The following JAKMIP3 variants were observed in gnomAD, a reference collection of about 807,000 sequenced individuals.
The protein encoded by JAKMIP3 is Janus kinase and microtubule interacting protein 3.
Under a neutral mutation model 118.5 loss-of-function variants are expected in JAKMIP3, and 58 were observed. The ratio of observed to expected loss-of-function variants is 0.49; its 90% CI spans 0.40 to 0.61. The LOEUF (loss-of-function observed/expected upper bound fraction) is 0.61, where lower values mean the gene tolerates loss of function less well. Ranked by LOEUF, JAKMIP3 falls within the 20% of genes least tolerant of loss-of-function variation. The probability of loss-of-function intolerance (pLI) is 0.00; values close to 1 mark genes in which losing one functional copy is unlikely to be tolerated. For missense variants in JAKMIP3, 950 were observed against 1,109.0 expected (o/e 0.86, Z 2.04); for synonymous variants, 486 against 451.2 (o/e 1.08, Z -0.98).
At chr10:132,128,957 TC>T (rs1159394166) in intron 3 of JAKMIP3, among the ~76,000 whole-genome samples, 2 of 152,362 alleles carry the variant, frequency 1.3e-5, no homozygotes, top group African/African-American at 4.8e-5. Flanking sequence ...ACTCTAGTCA[TC>T]TGTTGATGTG....
chr10:132,099,666 A>G (rs1402854221), intron 1 of JAKMIP3, among the ~76,000 whole-genome samples: 3 of 152,198 alleles, frequency 2.0e-5, no homozygotes, highest in African/African-American at 4.8e-5. Flanking sequence ...AATGCAACTC[A>G]GCATGTGTGT....
intron 16 of JAKMIP3, among the ~76,000 whole-genome samples, chr10:132,150,499 A>G (rs1396841281): frequency 1.3e-5 from 2 of 152,022 alleles, no homozygotes; most frequent in Non-Finnish European, 2.9e-5. Flanking sequence ...AAAATAATGC[A>G]CCTCTTCATC....
intron 1 of JAKMIP3, among the ~76,000 whole-genome samples, chr10:132,037,914 A>C (rs1166467924): frequency 6.6e-6 from 1 of 152,236 alleles, no homozygotes; most frequent in Non-Finnish European, 1.5e-5. Context: ...ATTGGCCCCG[A>C]GTCGGTTGCA....
In JAKMIP3 at chr10:132,116,964, C is replaced by T. The variant is rs530497479; in HGVS notation, c.136-113C>T. ...GCAACGTGGAAGCTCCCCTTGAATACACATTCAGGTGTGAGTGTGTGCAAC... is the reference window on the plus strand; with the variant it reads ...GCAACGTGGAAGCTCCCCTTGAATATACATTCAGGTGTGAGTGTGTGCAAC... On this transcript the variant is annotated intron_variant, in intron 2 of 23. Transcript: ENST00000684848. 2.8e-5 allele frequency: 35 copies of T among 1,241,180 alleles called. No individual in the cohort carries two copies. The African/African-American group carries it at 4.8e-4, about 17-fold the overall frequency. The allele number at this position is 1,241,180 out of a possible 1,614,324, so 76.9% of individuals were successfully genotyped here.
upstream of JAKMIP3, among the ~76,000 whole-genome samples, chr10:132,060,327 CGGGGCAGTCACA>C (rs1053056904): frequency 1.3e-5 from 2 of 152,016 alleles, no homozygotes; most frequent in African/African-American, 4.8e-5. Flanking sequence ...TTCTGGTGGG[CGGGGCAGTCACA>C]GGGGCAGGCA....
At chr10:132,069,235 C>T (rs767312614) in intron 1 of JAKMIP3, among the ~76,000 whole-genome samples, 6 of 152,162 alleles carry the variant, frequency 3.9e-5, no homozygotes, top group Non-Finnish European at 8.8e-5. Flanking sequence ...CTGAGGAGGA[C>T]TCTGAGCACC....
At chr10:132,105,217 A>T (rs11146178) in intron 2 of JAKMIP3, among the ~76,000 whole-genome samples, 1 of 152,224 alleles carries the variant, frequency 6.6e-6, no homozygotes, top group East Asian at 1.9e-4. Flanking sequence ...CTCCCATCTG[A>T]GGCCGCAGGG....
rs1344728783 is a variant in JAKMIP3 at position 132,118,273 on chromosome 10, C to T, written c.633+699C>T. Among the ~76,000 whole-genome samples the T allele has an allele frequency of 6.6e-6, 1 of 152,246 alleles. No homozygotes were observed. The highest frequency in any genetic ancestry group is 1.9e-4 in the East Asian group (1 of 5,200). ...GGCAGGCACCAGGAGAGTCGATGTT[C>T]TCAAAGGCCCAGGGTTCAGCTGACG... On this transcript the variant is annotated intron_variant, in intron 3 of 23. Coordinates refer to ENST00000684848, the MANE Select transcript of JAKMIP3 (RefSeq NM_001323087.2). The surrounding 1 kb of genome is among the most constrained non-coding windows in gnomAD (Gnocchi z 4.8).
intron 1 of JAKMIP3, among the ~76,000 whole-genome samples, chr10:132,093,208 C>T (rs553008159): frequency 2.6e-5 from 4 of 152,168 alleles, no homozygotes; most frequent in African/African-American, 7.2e-5. Flanking sequence ...TTAGGCTACT[C>T]GGGGGTCAGG....
chr10:132,146,227 C>T (rs949041028), intron 13 of JAKMIP3, among the ~76,000 whole-genome samples: 1 of 150,266 alleles, frequency 6.7e-6, no homozygotes, highest in Non-Finnish European at 1.5e-5. Flanking sequence ...TGTGGCCAGG[C>T]TGCTCTCAGT....
At chr10:132,167,869 C>CGCCCCTT (rs1426564983) in intron 22 of JAKMIP3, 84 bp from the exon 23 acceptor site, 2 of 1,062,352 alleles carry the variant, frequency 1.9e-6, no homozygotes, top group East Asian at 6.0e-5. Context: ...CCTCGGCCCT[C>CGCCCCTT]GCCCCTCGCC....
At chr10:132,070,523 C>G (rs756802385) in intron 1 of JAKMIP3, among the ~76,000 whole-genome samples, 1 of 152,168 alleles carries the variant, frequency 6.6e-6, no homozygotes, top group Admixed American at 6.5e-5. Context: ...TAATCCCATG[C>G]GTGATCTTTG....
At chr10:132,146,485 A>G (rs2136057216) in intron 13 of JAKMIP3, among the ~76,000 whole-genome samples, 1 of 152,206 alleles carries the variant, frequency 6.6e-6, no homozygotes, top group South Asian at 2.1e-4. Context: ...AGGGGCAGGA[A>G]GGCCAGCAGG....
chr10:132,129,492 C>G (rs1167266056), intron 3 of JAKMIP3, among the ~76,000 whole-genome samples: 2 of 152,208 alleles, frequency 1.3e-5, no homozygotes, highest in Non-Finnish European at 2.9e-5. Flanking sequence ...CTCCTCTGCT[C>G]TCCAAATCCC....
intron 19 of JAKMIP3, among the ~76,000 whole-genome samples, chr10:132,161,525 C>G (rs2058319336): frequency 7.7e-5 from 4 of 51,804 alleles, no homozygotes; most frequent in African/African-American, 3.0e-4. Flanking sequence ...GCTGGGGGGC[C>G]TCTCCCTGTG....
chr10:132,147,989 A>G lies in JAKMIP3; in HGVS notation c.1787A>G (p.His596Arg), dbSNP rs1173861309. 1 of 1,611,062 alleles carries G rather than the reference A, an allele frequency of 6.2e-7. No individual in the cohort carries two copies. Among genetic ancestry groups the G allele is most frequent in the Non-Finnish European group, 8.5e-7 (1 of 1,178,842 alleles). The stretch of plus-strand genomic sequence containing the variant: ...GAGACGGAAGAGGCTCGGCTCAGAC[A>G]CGAGGTGCAGGACGCCAGAGACCAA... ...QMETEEARLR[H>R]EVQDARDQNE... The change falls in exon 14 of 24, where the codon CAC becomes CGC. Residue 596 changes from histidine to arginine, a missense_variant. By Grantham distance (29) the His-to-Arg change is conservative (BLOSUM62 0). Transcript: ENST00000684848.
intron 5 of JAKMIP3, 88 bp downstream of exon 5, chr10:132,135,248 C>A: frequency 7.5e-7 from 1 of 1,340,558 alleles, no homozygotes; most frequent in Non-Finnish European, 1.0e-6. Context: ...AAATTCCTTG[C>A]GTAAAGGAGT....
chr10:132,171,252 C>T (rs563649697), intron 23 of JAKMIP3, among the ~76,000 whole-genome samples: 4 of 152,298 alleles, frequency 2.6e-5, no homozygotes, highest in Admixed American at 1.3e-4. Context: ...GTGCAGTCTC[C>T]AGCGTGAGTT....
intron 1 of JAKMIP3, among the ~76,000 whole-genome samples, chr10:132,080,077 G>A (rs1452725590): frequency 6.6e-6 from 1 of 152,216 alleles, no homozygotes; most frequent in African/African-American, 2.4e-5. Context: ...CTACTCAGGA[G>A]GCTGACGCAG....
Sources: allele counts gnomAD v4.1 joint callset (sites outside exome capture counted in the v4.1 genomes callset), GRCh38; gene constraint gnomAD v4.1.1; non-coding constraint Gnocchi (gnomAD v3.1); transcripts MANE v1.5; gene names NCBI Gene and HGNC (gene_info 2026-07-23, HGNC 2026-07-21).